KLHL7: variants seen among roughly 807,000 people sequenced by gnomAD.
KLHL7 encodes kelch-like protein 7.
Under a neutral mutation model 67.4 loss-of-function variants are expected in KLHL7, and 44 were observed. The ratio of observed to expected loss-of-function variants is 0.65; its 90% CI spans 0.51 to 0.84. The LOEUF is 0.84. Ranked by LOEUF, KLHL7 falls within the 40% of genes least tolerant of loss-of-function variation. The probability of loss-of-function intolerance (pLI) is 0.00; values close to 1 mark genes in which losing one functional copy is unlikely to be tolerated. For synonymous variants in KLHL7, 252 were observed against 243.3 expected, an observed-to-expected ratio of 1.04 and a Z score of -0.33; for missense variants, 362 against 718.1, an observed-to-expected ratio of 0.50 and a Z score of 5.67.
intron 1 of KLHL7, among the ~76,000 whole-genome samples, chr7:23,111,747 G>GTT (rs1782879408): frequency 6.6e-6 from 1 of 150,422 alleles, no homozygotes; most frequent in African/African-American, 2.5e-5. Context: ...GGTTGAACCC[G>GTT]GGAGGCAGAG....
rs979040796 is a variant in KLHL7, at chr7:23,177,023, A to G, written c.*2725A>G. 1.3e-5 allele frequency: 2 copies of G among 152,150 alleles called. No individual in the cohort carries two copies. The highest frequency in any genetic ancestry group is 2.9e-5 in the Non-Finnish European group (2 of 68,030). The allele number at this position is 152,150 out of a possible 1,614,324, so 9.4% of individuals were successfully genotyped here. On this transcript the variant is annotated 3_prime_UTR_variant, in exon 11 of 11. Coordinates refer to ENST00000339077, the MANE Select transcript of KLHL7 (RefSeq NM_001031710.3). ...GACAACATAGGGCCCGCAATCCAGT[A>G]TGACCTTATTTTAATTACACCTGTA...
rs760682792 is a variant in KLHL7, at chr7:23,173,051, T to C, written c.1477+6T>C. 6.3e-7 allele frequency: 1 copy of C among 1,592,594 alleles called. No individual in the cohort carries two copies. The highest frequency in any genetic ancestry group is 1.7e-5 in the Admixed American group (1 of 59,986). On this transcript the variant is annotated splice_donor_region_variant and intron_variant, in intron 10 of 10. Coordinates refer to ENST00000339077, the MANE Select transcript of KLHL7 (RefSeq NM_001031710.3). ...GGGTGGTCAGAATGGTTTAGGTATG[T>C]GATGTTAATTCACTGTTCCACTTTC...
At chr7:23,120,593 G>A (rs1217115759) in intron 1 of KLHL7, among the ~76,000 whole-genome samples, 1 of 151,996 alleles carries the variant, frequency 6.6e-6, no homozygotes, top group African/African-American at 2.4e-5. Flanking sequence ...ATTAGAGACA[G>A]GCTTGCTCTG....
intron 7 of KLHL7, among the ~76,000 whole-genome samples, chr7:23,162,941 A>G (rs2128468977): frequency 6.6e-6 from 1 of 152,272 alleles, no homozygotes; most frequent in East Asian, 1.9e-4. Flanking sequence ...ATTTTCTCTC[A>G]AAATGATCCA....
intron 1 of KLHL7, among the ~76,000 whole-genome samples, chr7:23,112,526 A>G (rs1209206603): frequency 3.3e-5 from 5 of 152,242 alleles, no homozygotes; most frequent in Admixed American, 2.6e-4. Flanking sequence ...AGGAATCACC[A>G]GAAGAATAGG....
intron 4 of KLHL7, among the ~76,000 whole-genome samples, chr7:23,132,896 A>T (rs542945591): frequency 1.3e-5 from 2 of 152,270 alleles, no homozygotes; most frequent in East Asian, 3.9e-4. Flanking sequence ...TATTGAAGAG[A>T]CTGTCTTTTC....
intron 6 of KLHL7, among the ~76,000 whole-genome samples, chr7:23,149,697 A>T (rs1423112214): frequency 6.6e-6 from 1 of 152,188 alleles, no homozygotes; most frequent in Non-Finnish European, 1.5e-5. Context: ...ATTGTAAAGG[A>T]TTATAAAATA....
intron 4 of KLHL7, among the ~76,000 whole-genome samples, chr7:23,132,835 G>A (rs1455317927): frequency 6.6e-6 from 1 of 152,048 alleles, no homozygotes; most frequent in Non-Finnish European, 1.5e-5. Context: ...GAGAGATAGG[G>A]GTCTAATTTC....
rs17147711 is a variant in KLHL7 at position 23,128,245 on chromosome 7, C to T, written c.442+3073C>T. On this transcript the variant is annotated intron_variant, in intron 4 of 10. Transcript: ENST00000339077. ...GAATCGATACTCTTAAAACTCAAAC[C>T]GAAGAAGATCAAACAGGAAGTTGCC... 0.01 allele frequency among the ~76,000 whole-genome samples: 1,537 copies of T among 151,102 alleles called. 74 individuals carry two copies. In the East Asian group the frequency reaches 0.16, roughly 15 times the overall value.
chr7:23,143,190 G>C (rs1583691171), intron 5 of KLHL7, among the ~76,000 whole-genome samples: 1 of 152,270 alleles, frequency 6.6e-6, no homozygotes, highest in East Asian at 1.9e-4. Context: ...GGAGATGTGT[G>C]TGTATATGAA....
intron 10 of KLHL7, among the ~76,000 whole-genome samples, 194 bp downstream of exon 10, chr7:23,173,239 C>T (rs370995777): frequency 2.0e-5 from 3 of 152,114 alleles, no homozygotes; most frequent in Non-Finnish European, 4.4e-5. Context: ...TATGAAATGT[C>T]GCAGTAGTCA....
At chr7:23,133,242 T>C (rs532199009) in intron 4 of KLHL7, among the ~76,000 whole-genome samples, 36 of 152,150 alleles carry the variant, frequency 2.4e-4, no homozygotes, top group Non-Finnish European at 3.7e-4. Context: ...AGTATGGACA[T>C]TTTAGCAATA....
At chr7:23,153,722 C>G (rs1313847038) in intron 7 of KLHL7, among the ~76,000 whole-genome samples, 1 of 152,160 alleles carries the variant, frequency 6.6e-6, no homozygotes, top group South Asian at 2.1e-4. Context: ...TCCTAATGCC[C>G]CAGGATCACA....
At chr7:23,166,108 C>T (rs1207722739) in intron 8 of KLHL7, among the ~76,000 whole-genome samples, 170 bp downstream of exon 8, 2 of 152,134 alleles carry the variant, frequency 1.3e-5, no homozygotes, top group African/African-American at 4.8e-5. Flanking sequence ...TATGTCGTTG[C>T]TTTACAAACC....
intron 1 of KLHL7, among the ~76,000 whole-genome samples, chr7:23,115,304 C>T (rs919232994): frequency 1.3e-5 from 2 of 152,124 alleles, no homozygotes; most frequent in African/African-American, 4.8e-5. Context: ...TTATTTTTTG[C>T]AGCCAAAAAC....
rs1182606351 is a variant in KLHL7, at chr7:23,173,503, CATAA to C, written c.1477+463_1477+466del. 3.9e-5 allele frequency among the ~76,000 whole-genome samples: 6 copies of C among 152,244 alleles called. No homozygotes were observed. In the East Asian group the frequency reaches 1.2e-3, roughly 29 times the overall value. On this transcript the variant is annotated intron_variant, in intron 10 of 10. Transcript: ENST00000339077. ...ATGACTAAATTTGGCATTTTGTTTTCATAAATAATGTACTAAAGAATCTTAAATA... is the reference window on the plus strand; with the variant it reads ...ATGACTAAATTTGGCATTTTGTTTTCATAATGTACTAAAGAATCTTAAATA...
At chr7:23,152,298 A>C in intron 7 of KLHL7, 89 bp downstream of exon 7, 432 of 1,147,544 alleles carry the variant, frequency 3.8e-4, no homozygotes, top group Non-Finnish European at 5.1e-4. Flanking sequence ...GTAATAACTC[A>C]TACCTTTAGA....
rs1248261596 is a variant in KLHL7 at position 23,174,066 on chromosome 7, T to C, written c.1529T>C (p.Met510Thr). 1 of 1,614,164 alleles carries C rather than the reference T, an allele frequency of 6.2e-7. No individual in the cohort carries two copies. Residue 510 changes from methionine to threonine, a missense_variant, in exon 11 of 11, where the codon ATG (methionine) becomes ACG (threonine). Physicochemically the swap from Met to Thr is moderately conservative, Grantham distance 81. This residue lies in a region of KLHL7 where 136 missense variants were observed against 252.7 expected (regional missense o/e 0.54). Transcript: ENST00000339077. The stretch of plus-strand genomic sequence containing the variant: ...GATATTAAGTTGAACGAATGGAAGA[T>C]GGTCTCACCAATGCCATGGAAGGGT... ...YYDIKLNEWKMVSPMPWKGVT... is the reference protein window; with the variant it reads ...YYDIKLNEWKTVSPMPWKGVT...
At chr7:23,170,883 A>G (rs1405068523) in intron 9 of KLHL7, among the ~76,000 whole-genome samples, 1 of 151,050 alleles carries the variant, frequency 6.6e-6, no homozygotes, top group African/African-American at 2.4e-5. Flanking sequence ...ACACAGTTTG[A>G]GCGGTCAGAA....
Sources: allele counts gnomAD v4.1 joint callset (sites outside exome capture counted in the v4.1 genomes callset), GRCh38; gene constraint gnomAD v4.1.1; regional missense constraint gnomAD v4.1.1; transcripts MANE v1.5; gene names NCBI Gene and HGNC (gene_info 2026-07-23, HGNC 2026-07-21).